Variants in PXDNL observed in about 807,000 individuals in gnomAD.
PXDNL encodes the protein probable oxidoreductase PXDNL.
A neutral mutation model predicts 150.8 loss-of-function variants in PXDNL; 145 were observed. That is an observed-to-expected ratio of 0.96 (90% confidence interval 0.84 to 1.10). PXDNL has a LOEUF of 1.10. Ranked by LOEUF, PXDNL falls within the 50% of genes least tolerant of loss-of-function variation. The pLI is 0.00. For missense variants in PXDNL, 2,087 were observed against 1,873.9 expected (o/e 1.11, Z -2.10); for synonymous variants, 757 against 725.7 (o/e 1.04, Z -0.69).
chr8:51,483,164 C>G (rs1810641994), intron 6 of PXDNL, among the ~76,000 whole-genome samples: 1 of 152,082 alleles, frequency 6.6e-6, no homozygotes, highest in Non-Finnish European at 1.5e-5. Flanking sequence ...CGGATGGGAG[C>G]AGGGAAGCTG....
intron 1 of PXDNL, among the ~76,000 whole-genome samples, chr8:51,783,657 C>G (rs1480343652): frequency 2.0e-5 from 3 of 152,106 alleles, no homozygotes; most frequent in Non-Finnish European, 2.9e-5. Flanking sequence ...GGATAAACTA[C>G]TGGAAAGCCA....
At chr8:51,437,014 G>A (rs1695051535) in intron 12 of PXDNL, among the ~76,000 whole-genome samples, 1 of 152,116 alleles carries the variant, frequency 6.6e-6, no homozygotes, top group African/African-American at 2.4e-5. Flanking sequence ...TGAAACAGGA[G>A]ATATTACAAC....
intron 2 of PXDNL, among the ~76,000 whole-genome samples, chr8:51,653,947 A>G (rs573808417): frequency 3.3e-5 from 5 of 152,304 alleles, no homozygotes; most frequent in East Asian, 1.9e-4. Flanking sequence ...ATCATCTCTC[A>G]TAGGTCTCTT....
At chr8:51,726,805 A>T (rs958384029) in intron 1 of PXDNL, among the ~76,000 whole-genome samples, 3 of 152,224 alleles carry the variant, frequency 2.0e-5, no homozygotes, top group South Asian at 4.1e-4. Flanking sequence ...GAAAAAAATA[A>T]CCTACTATAC....
chr8:51,339,927 C>T, intron 20 of PXDNL, 174 bp from the exon 21 acceptor site: 1 of 530,210 alleles, frequency 1.9e-6, no homozygotes, highest in Non-Finnish European at 3.3e-6. Flanking sequence ...AATTAAATGG[C>T]AGATAAGATG....
At chr8:51,432,603 T>A (rs1311231930) in intron 12 of PXDNL, among the ~76,000 whole-genome samples, 3 of 152,246 alleles carry the variant, frequency 2.0e-5, no homozygotes, top group African/African-American at 7.2e-5. Context: ...TATTTTTAAC[T>A]TATACTTTCT....
chr8:51,571,889 T>C lies in PXDNL; in HGVS notation c.309-14978A>G, dbSNP rs188686801. Among the ~76,000 whole-genome samples the C allele has an allele frequency of 3.3e-5, 5 of 151,868 alleles. No homozygotes were observed. The South Asian group carries it at 8.3e-4, about 25-fold the overall frequency. ...TTAAAAATTACTATCAGTAAGGTGT[T>C]TGGCAAACAAACAATGATCAAGAAA... is the stretch of plus-strand genomic sequence containing the variant. On this transcript the variant is annotated intron_variant, in intron 3 of 22. Coordinates refer to ENST00000356297, the MANE Select transcript of PXDNL (RefSeq NM_144651.5).
chr8:51,788,648 T>C (rs747053599), intron 1 of PXDNL, among the ~76,000 whole-genome samples: 5 of 152,168 alleles, frequency 3.3e-5, no homozygotes, highest in Admixed American at 6.5e-5. Context: ...TCCTGCCCCA[T>C]AGGGAGTTAG....
chr8:51,409,781 CG>C (rs1808576325), intron 16 of PXDNL, among the ~76,000 whole-genome samples: 1 of 151,992 alleles, frequency 6.6e-6, no homozygotes, highest in African/African-American at 2.4e-5. Flanking sequence ...TACTTTTGAG[CG>C]TTCATCCTGT....
chr8:51,709,463 C>T (rs1158390329), intron 1 of PXDNL, among the ~76,000 whole-genome samples: 1 of 152,048 alleles, frequency 6.6e-6, no homozygotes, highest in Non-Finnish European at 1.5e-5. Context: ...ACCGTGTTCG[C>T]CAGGATGTTC....
intron 7 of PXDNL, 31 bp downstream of exon 7, chr8:51,474,941 C>A: frequency 6.6e-7 from 1 of 1,524,944 alleles, no homozygotes; most frequent in South Asian, 1.2e-5. Flanking sequence ...AGAGACAGTT[C>A]TATCTTATGT....
intron 2 of PXDNL, among the ~76,000 whole-genome samples, chr8:51,652,822 T>C (rs1212057797): frequency 6.6e-6 from 1 of 152,220 alleles, no homozygotes; most frequent in Admixed American, 6.5e-5. Flanking sequence ...TAATAAAAAA[T>C]ATTTAGAAAC....
intron 19 of PXDNL, among the ~76,000 whole-genome samples, chr8:51,366,519 A>T (rs936448343): frequency 6.6e-6 from 1 of 151,666 alleles, no homozygotes; most frequent in Non-Finnish European, 1.5e-5. Context: ...TTAACAATGT[A>T]CACATCTGTA....
At chr8:51,713,800 A>G (rs1489177141) in intron 1 of PXDNL, among the ~76,000 whole-genome samples, 1 of 152,208 alleles carries the variant, frequency 6.6e-6, no homozygotes, top group Non-Finnish European at 1.5e-5. Flanking sequence ...TTTAATCTCA[A>G]TTAGGGTTGA....
chr8:51,351,046 G>A (rs972096407), intron 19 of PXDNL, among the ~76,000 whole-genome samples: 1 of 152,126 alleles, frequency 6.6e-6, no homozygotes, highest in Admixed American at 6.5e-5. Context: ...GAAGTGAGAC[G>A]GTTCCAGTAG....
At chr8:51,440,060 TAC>T (rs963447804) in intron 12 of PXDNL, among the ~76,000 whole-genome samples, 8 of 150,254 alleles carry the variant, frequency 5.3e-5, no homozygotes, top group African/African-American at 9.8e-5. Context: ...TATGTATATA[TAC>T]ACACACACAC....
chr8:51,563,661 C>G (rs1554553169), intron 3 of PXDNL, among the ~76,000 whole-genome samples: 1 of 151,884 alleles, frequency 6.6e-6, no homozygotes, highest in Non-Finnish European at 1.5e-5. Flanking sequence ...GAATGAGGTC[C>G]AAAATAATAA....
At chr8:51,559,775 G>A (rs1812683064) in intron 3 of PXDNL, among the ~76,000 whole-genome samples, 2 of 152,000 alleles carry the variant, frequency 1.3e-5, no homozygotes, top group African/African-American at 4.8e-5. Context: ...GAAAATGAGT[G>A]GGAGAAAGCA....
Position 51,474,864 on chromosome 8 carries a change from T to C in PXDNL, c.694+108A>G, listed in dbSNP as rs563022664. 15 of 948,332 alleles carry C rather than the reference T, an allele frequency of 1.6e-5. No homozygotes were observed. The Admixed American group carries it at 4.8e-4, about 30-fold the overall frequency. The allele number at this position is 948,332 out of a possible 1,614,324, so 58.7% of individuals were successfully genotyped here. ...CTTTTACCACATTCCTTAAAAACACTTTCTGATAACACGTTCTTCTAAAAT... is the reference window on the plus strand; with the variant it reads ...CTTTTACCACATTCCTTAAAAACACCTTCTGATAACACGTTCTTCTAAAAT... On this transcript the variant is annotated intron_variant, in intron 7 of 22. Coordinates refer to ENST00000356297, the MANE Select transcript of PXDNL (RefSeq NM_144651.5).
Sources: gnomAD v4.1 joint callset for allele counts (sites outside exome capture counted in the v4.1 genomes callset) on GRCh38, gnomAD v4.1.1 for gene constraint, MANE v1.5 for transcripts, NCBI Gene and HGNC (gene_info 2026-07-23, HGNC 2026-07-21) for gene names.